PP2D1: variants seen among roughly 807,000 people sequenced by gnomAD.
PP2D1 encodes protein phosphatase 2C like domain containing 1.
In PP2D1, 25 loss-of-function variants were observed where a neutral mutation model predicts 30.2. The ratio of observed to expected loss-of-function variants is 0.83; its 90% confidence interval spans 0.60 to 1.16. The LOEUF (loss-of-function observed/expected upper bound fraction) is 1.16, where lower values mean the gene tolerates loss of function less well. Among genes scored for constraint, PP2D1 ranks in the 50% most tolerant of loss-of-function variants. The pLI, the probability that PP2D1 is intolerant of heterozygous loss-of-function variation, is 0.00. For synonymous variants in PP2D1, 260 were observed against 258.9 expected, an observed-to-expected ratio of 1.00 and a Z score of -0.04; for missense variants, 760 against 742.4, an observed-to-expected ratio of 1.02 and a Z score of -0.28.
downstream of PP2D1, among the ~76,000 whole-genome samples, chr3:19,981,325 C>G (rs1696922663): frequency 6.6e-6 from 1 of 152,070 alleles, no homozygotes; most frequent in South Asian, 2.1e-4. Flanking sequence ...TATCATAAAT[C>G]AGGCTGGGCG....
chr3:19,981,919 CA>C (rs1183119159), downstream of PP2D1, among the ~76,000 whole-genome samples: 1 of 152,080 alleles, frequency 6.6e-6, no homozygotes, highest in African/African-American at 2.4e-5. Flanking sequence ...AGCTACTGGT[CA>C]GTCAGATTAG....
chr3:20,003,384 G>T (rs1035344397), intron 1 of PP2D1, among the ~76,000 whole-genome samples: 139 of 142,396 alleles, frequency 9.8e-4, no homozygotes, highest in African/African-American at 3.3e-3. Context: ...TTTTAGTTTT[G>T]TTTTTTTTTT....
chr3:19,984,192 A>G (rs927942697), downstream of PP2D1: 30 of 419,890 alleles, frequency 7.1e-5, no homozygotes, highest in Admixed American at 9.7e-4. Context: ...ATTGGAACTT[A>G]CTAATTTGGG....
At chr3:20,007,008 TACAC>T (rs71751343) in intron 1 of PP2D1, among the ~76,000 whole-genome samples, 10,281 of 144,548 alleles carry the variant, frequency 0.071, 446 homozygotes, top group South Asian at 0.23. Flanking sequence ...CACACACGTA[TACAC>T]ACACACACAC....
At chr3:20,006,329 T>A (rs959803061) in intron 1 of PP2D1, among the ~76,000 whole-genome samples, 11 of 152,244 alleles carry the variant, frequency 7.2e-5, no homozygotes, top group African/African-American at 2.6e-4. Context: ...AATCTGATGT[T>A]TTCAGTAAAT....
chr3:19,990,281 A>G (rs1045617893), intron 2 of PP2D1, among the ~76,000 whole-genome samples: 2 of 152,104 alleles, frequency 1.3e-5, no homozygotes, highest in Non-Finnish European at 2.9e-5. Flanking sequence ...GAGAGCTGGG[A>G]CTAAAGGCAT....
At chr3:19,993,731 C>CTGTTTGTTTGTT (rs531963381) in intron 2 of PP2D1, among the ~76,000 whole-genome samples, 1 of 151,916 alleles carries the variant, frequency 6.6e-6, no homozygotes, top group African/African-American at 2.4e-5. Flanking sequence ...CAGAGCAAGA[C>CTGTTTGTTTGTT]TGTTTGTTTG....
chr3:20,011,976 G>A (rs912050916), intron 1 of PP2D1, 74 bp downstream of exon 1: 16 of 1,201,236 alleles, frequency 1.3e-5, no homozygotes, highest in Non-Finnish European at 1.3e-5. Context: ...TAAGAAAGTG[G>A]AAGAAAAAAA....
intron 1 of PP2D1, among the ~76,000 whole-genome samples, chr3:20,009,495 A>C (rs1697360841): frequency 1.3e-5 from 2 of 152,154 alleles, no homozygotes; most frequent in Admixed American, 1.3e-4. Flanking sequence ...ATTAAAAATA[A>C]AATGTGAGCT....
At chr3:19,982,921 T>G (rs1042412895), downstream of PP2D1, among the ~76,000 whole-genome samples, 2 of 152,168 alleles carry the variant, frequency 1.3e-5, no homozygotes, top group Non-Finnish European at 1.5e-5. Context: ...GCAAAGGTAT[T>G]TGTATCCTGA....
At chr3:19,994,557 A>G (rs2125140893) in intron 2 of PP2D1, among the ~76,000 whole-genome samples, 1 of 152,372 alleles carries the variant, frequency 6.6e-6, no homozygotes, top group South Asian at 2.1e-4. Context: ...TAGTGTCAAC[A>G]GGCAGACACC....
chr3:19,985,573 A>C lies in PP2D1; in HGVS notation c.1700T>G (p.Val567Gly). ...TTHRKPCSEK[V>G]TDRPTSVNDV... is the part of the protein sequence containing the mutation. ...ATTTACACTAGTTGGTCTGTCAGTT[A>C]CTTTTTCACTGCAAGGTTTACGATG... Residue 567 changes from valine (V) to glycine (G), a missense_variant, in exon 3 of 3, where the codon GTA becomes GGA. By Grantham distance (109) the Val-to-Gly change is moderately radical (BLOSUM62 -3). Coordinates refer to ENST00000389050, the MANE Select transcript of PP2D1 (RefSeq NM_001252657.2). 1 of 1,536,052 alleles carries C rather than the reference A, an allele frequency of 6.5e-7. No homozygotes were observed. Among genetic ancestry groups the C allele is most frequent in the Non-Finnish European group, 8.7e-7 (1 of 1,146,866 alleles).
At chr3:19,996,409 A>G (rs184403584) in intron 2 of PP2D1, among the ~76,000 whole-genome samples, 43 of 152,304 alleles carry the variant, frequency 2.8e-4, no homozygotes, top group African/African-American at 9.1e-4. Context: ...ACCTGAACAG[A>G]CAAATAACAA....
chr3:19,982,322 T>G (rs1172925156), downstream of PP2D1, among the ~76,000 whole-genome samples: 3 of 152,166 alleles, frequency 2.0e-5, no homozygotes, highest in African/African-American at 7.2e-5. Flanking sequence ...TATGTGGATA[T>G]GTTTGTGTCT....
intron 2 of PP2D1, 57 bp from the exon 3 acceptor site, chr3:19,986,239 C>A: frequency 8.2e-7 from 1 of 1,216,580 alleles, no homozygotes; most frequent in South Asian, 1.7e-5. Flanking sequence ...CCAATTGTAT[C>A]AAAATCTACT....
rs1178875887 is a variant in PP2D1 at position 20,001,226 on chromosome 3, A to T, written c.894T>A (p.Gly298=). Residue 298 remains glycine, a synonymous_variant, in exon 2 of 3, where the codon GGT becomes GGA. Transcript: ENST00000389050. The stretch of plus-strand genomic sequence containing the variant: ...CCCTGGACACTTCTTTTCTTCCAAG[A>T]CCTAAAAGCCTATCCATTCTCCAAA... ...KAFWRMDRLL[G]LGRKEVSRVQ... is the part of the protein sequence containing the mutation. 1.3e-6 allele frequency: 2 copies of T among 1,535,510 alleles called. No individual in the cohort carries two copies. Among genetic ancestry groups the T allele is most frequent in the African/African-American group, 1.4e-5 (1 of 72,982 alleles).
At chr3:19,998,790 A>G (rs9828050) in intron 2 of PP2D1, among the ~76,000 whole-genome samples, 24,063 of 152,168 alleles carry the variant, frequency 0.16, 2,089 homozygotes, top group Non-Finnish European at 0.2. Context: ...TTCCCTTGCT[A>G]TAATTAATCC....
chr3:19,999,323 C>A (rs555569989), intron 2 of PP2D1, among the ~76,000 whole-genome samples: 1 of 152,048 alleles, frequency 6.6e-6, no homozygotes, highest in East Asian at 1.9e-4. Flanking sequence ...CGTGATCCAC[C>A]CGCCTTGGCC....
downstream of PP2D1, chr3:19,985,251 T>C: frequency 1.5e-6 from 1 of 687,118 alleles, no homozygotes; most frequent in Non-Finnish European, 2.4e-6. Context: ...TGACCTAGTA[T>C]CCGCTTTTAT....
Sources: gnomAD v4.1 joint callset for allele counts (sites outside exome capture counted in the v4.1 genomes callset) on GRCh38, gnomAD v4.1.1 for gene constraint, MANE v1.5 for transcripts, NCBI Gene and HGNC (gene_info 2026-07-23, HGNC 2026-07-21) for gene names.